NEBL: variants seen among roughly 807,000 people sequenced by gnomAD.
The protein encoded by NEBL is nebulette.
In NEBL, 122 loss-of-function variants were observed where a neutral mutation model predicts 140.2. The observed-to-expected ratio is 0.87, with a 90% confidence interval of 0.75 to 1.01. NEBL has a LOEUF of 1.01. NEBL is among the 50% of genes least tolerant of loss of function. The pLI is 0.00. For missense variants in NEBL, 1,365 were observed against 1,231.3 expected (o/e 1.11, Z -1.62); for synonymous variants, 436 against 398.9 (o/e 1.09, Z -1.11).
chr10:20,801,538 A>G (rs1258426144), intron 26 of NEBL, among the ~76,000 whole-genome samples: 1 of 152,032 alleles, frequency 6.6e-6, no homozygotes, highest in Non-Finnish European at 1.5e-5. Context: ...CTTCATCACA[A>G]TGCTTTCCTG....
intron 2 of NEBL, among the ~76,000 whole-genome samples, chr10:21,050,181 C>T (rs538608709): frequency 9.8e-5 from 15 of 152,336 alleles, no homozygotes; most frequent in African/African-American, 3.4e-4. Flanking sequence ...TAGAGTCTCT[C>T]TTTTGCCTGG....
chr10:21,209,429 C>T (rs961034645), intron 3 of NEBL, among the ~76,000 whole-genome samples: 5 of 152,166 alleles, frequency 3.3e-5, no homozygotes, highest in Non-Finnish European at 4.4e-5. Context: ...AGTCTAGCCT[C>T]GGGAGATGTG....
At chr10:20,847,997 T>A (rs1436848484) in intron 11 of NEBL, among the ~76,000 whole-genome samples, 3 of 152,184 alleles carry the variant, frequency 2.0e-5, no homozygotes, top group African/African-American at 7.2e-5. Flanking sequence ...ACTGCACATT[T>A]TTTTTCTAAA....
At chr10:20,906,082 T>C (rs1226092903) in intron 4 of NEBL, among the ~76,000 whole-genome samples, 2 of 152,200 alleles carry the variant, frequency 1.3e-5, no homozygotes, top group African/African-American at 4.8e-5. Flanking sequence ...AGAAAGTGTT[T>C]CCAGATTTAT....
chr10:21,031,560 AC>A (rs1387584881), intron 2 of NEBL, among the ~76,000 whole-genome samples: 1 of 152,192 alleles, frequency 6.6e-6, no homozygotes, highest in African/African-American at 2.4e-5. Flanking sequence ...TCTCCCCAAA[AC>A]AAAAATGTTA....
intron 5 of NEBL, among the ~76,000 whole-genome samples, chr10:20,875,729 C>G (rs1237456414): frequency 6.6e-6 from 1 of 151,864 alleles, no homozygotes; most frequent in African/African-American, 2.4e-5. Flanking sequence ...AGCCAGCCAG[C>G]CAGCCAGCCA....
intron 5 of NEBL, among the ~76,000 whole-genome samples, chr10:20,874,039 G>T (rs559669288): frequency 5.3e-5 from 8 of 152,216 alleles, no homozygotes; most frequent in African/African-American, 1.4e-4. Context: ...GTGAATAACA[G>T]TATAGAGTCT....
At chr10:20,882,434 A>G (rs1318220017) in intron 4 of NEBL, among the ~76,000 whole-genome samples, 1 of 152,146 alleles carries the variant, frequency 6.6e-6, no homozygotes, top group African/African-American at 2.4e-5. Flanking sequence ...CTAGTTTTCA[A>G]TGAAAATAAT....
At chr10:21,140,789 C>A (rs565215991) in intron 2 of NEBL, among the ~76,000 whole-genome samples, 1 of 151,796 alleles carries the variant, frequency 6.6e-6, no homozygotes, top group Non-Finnish European at 1.5e-5. Context: ...GGGGGCCTGT[C>A]GGGGAGTGGA....
Position 20,784,238 on chromosome 10 carries a change from T to C in NEBL, c.*1509A>G, listed in dbSNP as rs1835217326. ...AGACCCTAAGTGAATGCCACCCCGTTGCAGGTCACAGTAAACGGCACAATC... is the reference window on the plus strand; with the variant it reads ...AGACCCTAAGTGAATGCCACCCCGTCGCAGGTCACAGTAAACGGCACAATC... On this transcript the variant is annotated 3_prime_UTR_variant, in exon 28 of 28. Coordinates refer to ENST00000377122, the MANE Select transcript of NEBL (RefSeq NM_006393.3). The C allele has an allele frequency of 6.6e-6, 1 of 152,172 alleles. No individual in the cohort carries two copies. Among genetic ancestry groups the C allele is most frequent in the African/African-American group, 2.4e-5 (1 of 41,440 alleles). The allele number at this position is 152,172 out of a possible 1,614,324, so 9.4% of individuals were successfully genotyped here.
At chr10:21,243,918 AAAGGG>A (rs1842477366) in intron 3 of NEBL, among the ~76,000 whole-genome samples, 5 of 107,512 alleles carry the variant, frequency 4.7e-5, no homozygotes, top group Non-Finnish European at 1.1e-4. Context: ...AAGGAAGGCG[AAAGGG>A]AAAGGGAAAG....
At chr10:20,934,408 T>C (rs149746748) in intron 4 of NEBL, among the ~76,000 whole-genome samples, 1 of 152,296 alleles carries the variant, frequency 6.6e-6, no homozygotes, top group African/African-American at 2.4e-5. Context: ...TAACGCAGAC[T>C]CATTAGTCAT....
At chr10:21,106,561 C>A (rs1837725402) in intron 2 of NEBL, among the ~76,000 whole-genome samples, 1 of 152,120 alleles carries the variant, frequency 6.6e-6, no homozygotes, top group Non-Finnish European at 1.5e-5. Flanking sequence ...GTTTTGGTAC[C>A]AGTACCAGCC....
intron 3 of NEBL, among the ~76,000 whole-genome samples, chr10:21,232,117 A>G (rs1842273202): frequency 6.6e-6 from 1 of 152,154 alleles, no homozygotes; most frequent in African/African-American, 2.4e-5. Flanking sequence ...TCCAACTGCC[A>G]CAGGGTTGTT....
intron 3 of NEBL, among the ~76,000 whole-genome samples, chr10:21,208,110 T>A (rs1841857989): frequency 6.6e-6 from 1 of 151,744 alleles, no homozygotes; most frequent in Non-Finnish European, 1.5e-5. Context: ...CCCTGAGGAG[T>A]TCTAGGCTGG....
rs71509095 is a variant in NEBL, at chr10:21,253,540, C to CT, written n.183-1713dup. Among the ~76,000 whole-genome samples, 392 of 110,666 alleles carry CT rather than the reference C, an allele frequency of 3.5e-3. 4 individuals are homozygous for CT. The highest frequency in any genetic ancestry group is 0.013 in the Middle Eastern group (3 of 232). The allele number at this position is 110,666 out of a possible 152,430, so 72.6% of individuals were successfully genotyped here. ...GAAAACGTCATTACTTTTTAAACCT[C>CT]TTTTTTTTTTTTTTTTTTTTGAGAT... On this transcript the variant is annotated intron_variant and non_coding_transcript_variant, in intron 1 of 8. Coordinates refer to the NEBL transcript ENST00000675702.
intron 3 of NEBL, among the ~76,000 whole-genome samples, chr10:20,994,888 G>A (rs796654423): frequency 2.0e-5 from 3 of 152,246 alleles, no homozygotes; most frequent in African/African-American, 7.2e-5. Context: ...AGGTAGAGGG[G>A]GGGGTTGGTC....
At chr10:21,094,531 A>T (rs1837089276) in intron 2 of NEBL, among the ~76,000 whole-genome samples, 1 of 138,484 alleles carries the variant, frequency 7.2e-6, no homozygotes, top group Non-Finnish European at 1.5e-5. Context: ...AAAAAAAAAA[A>T]ATTAGCCAGA....
chr10:21,051,723 T>A (rs1432983851), intron 2 of NEBL, among the ~76,000 whole-genome samples: 1 of 152,232 alleles, frequency 6.6e-6, no homozygotes, highest in Non-Finnish European at 1.5e-5. Flanking sequence ...ATTGGCAGGA[T>A]AATTTTCTTA....
Sources: allele counts gnomAD v4.1 joint callset (sites outside exome capture counted in the v4.1 genomes callset), GRCh38; gene constraint gnomAD v4.1.1; transcripts MANE v1.5; gene names NCBI Gene and HGNC (gene_info 2026-07-23, HGNC 2026-07-21).